The following SPECC1 variants were observed in gnomAD, a reference collection of about 807,000 sequenced individuals.
SPECC1 encodes cytospin-B.
SPECC1 carries 62 observed loss-of-function variants against 104.1 expected under a neutral mutation model. The ratio of observed to expected loss-of-function variants is 0.60; its 90% CI spans 0.49 to 0.74. The LOEUF (loss-of-function observed/expected upper bound fraction) is 0.74. Among genes scored for constraint, SPECC1 ranks in the 30% least tolerant of loss-of-function variants. SPECC1 has a pLI of 0.00. For synonymous variants in SPECC1, 513 were observed against 501.6 expected (o/e 1.02, Z -0.30); for missense variants, 1,306 against 1,310.5 (o/e 1.00, Z 0.05).
intron 3 of SPECC1, among the ~76,000 whole-genome samples, chr17:20,141,770 C>A (rs969736722): frequency 3.3e-5 from 5 of 152,200 alleles, no homozygotes; most frequent in Admixed American, 6.5e-5. Flanking sequence ...TAGCTCCTCC[C>A]TTGACTCTCC....
chr17:20,183,057 G>C (rs1315592257), intron 3 of SPECC1, among the ~76,000 whole-genome samples: 1 of 152,208 alleles, frequency 6.6e-6, no homozygotes, highest in African/African-American at 2.4e-5. Context: ...ACAAATAAAA[G>C]TAAATGCCAA....
At chr17:20,259,166 A>G (rs1011134055) in intron 11 of SPECC1, among the ~76,000 whole-genome samples, 2 of 152,248 alleles carry the variant, frequency 1.3e-5, no homozygotes, top group Non-Finnish European at 1.5e-5. Context: ...TGGGTACAGC[A>G]TATATTTGGA....
intron 3 of SPECC1, among the ~76,000 whole-genome samples, chr17:20,145,707 G>T (rs1436153685): frequency 6.6e-6 from 1 of 152,300 alleles, no homozygotes; most frequent in African/African-American, 2.4e-5. Context: ...CAGGATTAAC[G>T]TAGGCTGTGC....
At chr17:20,182,464 C>T (rs779936337) in intron 3 of SPECC1, among the ~76,000 whole-genome samples, 3 of 151,746 alleles carry the variant, frequency 2.0e-5, no homozygotes, top group South Asian at 2.1e-4. Context: ...CGGACAGAAT[C>T]GGTTTAAAAA....
intron 2 of SPECC1, among the ~76,000 whole-genome samples, chr17:20,102,756 A>T (rs566179533): frequency 6.6e-6 from 1 of 151,796 alleles, no homozygotes; most frequent in African/African-American, 2.4e-5. Context: ...CATTGCGTTC[A>T]TTTTTCCTAA....
At chr17:20,149,349 C>T (rs780319877) in intron 3 of SPECC1, among the ~76,000 whole-genome samples, 6 of 152,264 alleles carry the variant, frequency 3.9e-5, no homozygotes, top group African/African-American at 7.2e-5. Flanking sequence ...ACTTGGATTT[C>T]GGAAGGGTTC....
At chr17:20,024,716 C>G (rs1334967955) in intron 1 of SPECC1, among the ~76,000 whole-genome samples, 2 of 152,084 alleles carry the variant, frequency 1.3e-5, no homozygotes. Context: ...CACAGTGTCT[C>G]TAGGGTGGTC....
chr17:20,058,350 C>T (rs1177704920), intron 1 of SPECC1, among the ~76,000 whole-genome samples: 1 of 152,142 alleles, frequency 6.6e-6, no homozygotes, highest in Non-Finnish European at 1.5e-5. Context: ...GTTTATCCAG[C>T]TGGGTACAGT....
At chr17:20,100,760 C>A (rs1055198011) in intron 2 of SPECC1, among the ~76,000 whole-genome samples, 1 of 152,134 alleles carries the variant, frequency 6.6e-6, no homozygotes, top group African/African-American at 2.4e-5. Context: ...AACCAGTCAT[C>A]TAGATTTTAA....
At chr17:20,164,862 C>T (rs970268404) in intron 3 of SPECC1, among the ~76,000 whole-genome samples, 4 of 152,116 alleles carry the variant, frequency 2.6e-5, no homozygotes, top group Admixed American at 6.5e-5. Context: ...CCCATTCGAA[C>T]GGCCATATCA....
chr17:20,198,360 A>G (rs1300050175), intron 3 of SPECC1, among the ~76,000 whole-genome samples: 1 of 152,188 alleles, frequency 6.6e-6, no homozygotes, highest in Non-Finnish European at 1.5e-5. Flanking sequence ...AAGCGAAATG[A>G]TCAGGGAGGT....
chr17:20,221,310 G>A (rs1567955859), intron 4 of SPECC1, among the ~76,000 whole-genome samples: 1 of 151,950 alleles, frequency 6.6e-6, no homozygotes, highest in Non-Finnish European at 1.5e-5. Context: ...TTTGCTGGGG[G>A]ACTTTTTATT....
intron 1 of SPECC1, among the ~76,000 whole-genome samples, chr17:20,022,263 C>T (rs1015568997): frequency 6.6e-5 from 10 of 152,094 alleles, no homozygotes; most frequent in African/African-American, 1.9e-4. Flanking sequence ...TTTTTATTTG[C>T]ATCTGTCTGT....
At chr17:20,164,593 T>TAAA (rs1361391090) in intron 3 of SPECC1, among the ~76,000 whole-genome samples, 3 of 152,214 alleles carry the variant, frequency 2.0e-5, no homozygotes, top group Non-Finnish European at 4.4e-5. Flanking sequence ...TTGCTTTGGT[T>TAAA]GGAACATATT....
intron 3 of SPECC1, among the ~76,000 whole-genome samples, chr17:20,174,843 G>A (rs150851110): frequency 5.9e-5 from 9 of 152,098 alleles, no homozygotes; most frequent in Middle Eastern, 3.4e-3. Flanking sequence ...GCTCCTTGCC[G>A]ACCTCACCAG....
At chr17:20,195,718 C>T (rs566913811) in intron 3 of SPECC1, among the ~76,000 whole-genome samples, 19 of 152,128 alleles carry the variant, frequency 1.2e-4, no homozygotes, top group South Asian at 4.2e-4. Flanking sequence ...CCACCACACC[C>T]GGCTAATTTT....
rs1270268921 is a variant in SPECC1 at position 20,205,055 on chromosome 17, G to A, written c.1006G>A (p.Ala336Thr). 19 of 1,614,166 alleles carry A rather than the reference G, an allele frequency of 1.2e-5. No individual in the cohort carries two copies. Among genetic ancestry groups the A allele is most frequent in the Non-Finnish European group, 1.6e-5 (19 of 1,180,028 alleles). Residue 336 changes from alanine to threonine, a missense_variant, in exon 4 of 15, where the codon GCA becomes ACA. By Grantham distance (58) the Ala-to-Thr change is moderately conservative. Coordinates refer to ENST00000395527, the MANE Select transcript of SPECC1 (RefSeq NM_001243439.2). ...TGCTTCCGACTTTGAGCACATTACAGCAGAGACACCCTCAAGGCCCCTGTC... is the reference window on the plus strand; with the variant it reads ...TGCTTCCGACTTTGAGCACATTACAACAGAGACACCCTCAAGGCCCCTGTC... ...PDASDFEHIT[A>T]ETPSRPLSST...
intron 12 of SPECC1, among the ~76,000 whole-genome samples, chr17:20,272,257 T>A (rs183204872): frequency 6.6e-6 from 1 of 152,330 alleles, no homozygotes; most frequent in Non-Finnish European, 1.5e-5. Flanking sequence ...CCCCTATTTC[T>A]ATCTCTTTGC....
chr17:20,150,430 G>A (rs768746336), intron 3 of SPECC1, among the ~76,000 whole-genome samples: 64 of 151,702 alleles, frequency 4.2e-4, no homozygotes, highest in Non-Finnish European at 2.9e-4. Flanking sequence ...ACCTGAGGTC[G>A]GGAGTTCGAG....
Sources: allele counts gnomAD v4.1 joint callset (sites outside exome capture counted in the v4.1 genomes callset), GRCh38; gene constraint gnomAD v4.1.1; transcripts MANE v1.5; gene names NCBI Gene and HGNC (gene_info 2026-07-23, HGNC 2026-07-21).